DSTN: variants seen among roughly 807,000 people sequenced by gnomAD.
DSTN encodes destrin, actin depolymerizing factor, also known as destrin.
Under a neutral mutation model 16.8 loss-of-function variants are expected in DSTN, and 10 were observed. The observed-to-expected ratio is 0.60, with a 90% CI of 0.37 to 1.01. DSTN has a LOEUF of 1.01. DSTN is among the 50% of genes least tolerant of loss of function. The pLI is 0.01. For missense variants in DSTN, 141 were observed against 196.7 expected (o/e 0.72, Z 1.69); for synonymous variants, 57 against 58.9 (o/e 0.97, Z 0.14).
intron 1 of DSTN, among the ~76,000 whole-genome samples, chr20:17,577,443 T>C (rs1426769961): frequency 6.6e-6 from 1 of 152,094 alleles, no homozygotes; most frequent in African/African-American, 2.4e-5. Flanking sequence ...GGCAGGTGCA[T>C]GTAGTCCCAG....
Position 17,604,545 on chromosome 20 carries a change from TTCTA to T in DSTN, c.312-5_312-2del. ...ACCACTTTTTTCATTTTTGGCATCT[TTCTA>T]TCTAGGGCACCAGAACTAGCACCTC... On this transcript the variant is annotated splice_polypyrimidine_tract_variant and splice_region_variant and intron_variant, in intron 2 of 3. Coordinates refer to ENST00000246069, the MANE Select transcript of DSTN (RefSeq NM_006870.4). The T allele has an allele frequency of 6.2e-7, 1 of 1,604,922 alleles. No individual in the cohort carries two copies. The highest frequency in any genetic ancestry group is 8.5e-7 in the Non-Finnish European group (1 of 1,177,986).
At chr20:17,597,790 C>A (rs1372282787) in intron 1 of DSTN, among the ~76,000 whole-genome samples, 2 of 152,230 alleles carry the variant, frequency 1.3e-5, no homozygotes, top group African/African-American at 2.4e-5. Flanking sequence ...CTCCTGTCAA[C>A]TTCCAGAACA....
At position 17,570,125 on chromosome 20, in the gene DSTN, G is replaced by T; in HGVS notation, c.-84G>T. 6.6e-7 allele frequency: 1 copy of T among 1,507,452 alleles called. No homozygotes were observed. Among genetic ancestry groups the T allele is most frequent in the Admixed American group, 2.1e-5 (1 of 48,632 alleles). The allele number at this position is 1,507,452 out of a possible 1,614,324, so 93.4% of individuals were successfully genotyped here. ...CGTCAGCTCAGCGCTGGGTCTCTCG[G>T]TCCCGCAGCCGTGAGGAGGACGGTC... On this transcript the variant is annotated 5_prime_UTR_variant, in exon 1 of 4. Transcript: ENST00000246069.
chr20:17,585,236 G>C (rs1271927032), intron 1 of DSTN, among the ~76,000 whole-genome samples: 1 of 152,116 alleles, frequency 6.6e-6, no homozygotes, highest in Non-Finnish European at 1.5e-5. Flanking sequence ...GGGTGCTTGG[G>C]AATTGTTAAA....
In DSTN at chr20:17,604,541, A is replaced by T. The variant is rs372734280; in HGVS notation, c.312-14A>T. On this transcript the variant is annotated splice_polypyrimidine_tract_variant and intron_variant, in intron 2 of 3. Transcript: ENST00000246069. ...CTAAACCACTTTTTTCATTTTTGGC[A>T]TCTTTCTATCTAGGGCACCAGAACT... The T allele has an allele frequency of 3.7e-6, 6 of 1,602,146 alleles. No individual in the cohort carries two copies. The highest frequency in any genetic ancestry group is 5.1e-6 in the Non-Finnish European group (6 of 1,177,300).
chr20:17,598,062 AT>A (rs2035547119), intron 1 of DSTN, among the ~76,000 whole-genome samples: 1 of 152,096 alleles, frequency 6.6e-6, no homozygotes, highest in African/African-American at 2.4e-5. Flanking sequence ...CATTGTGTGG[AT>A]ATACTACATC....
intron 1 of DSTN, 105 bp from the exon 2 acceptor site, chr20:17,600,633 C>T (rs767343745): frequency 5.2e-4 from 667 of 1,289,956 alleles, no homozygotes; most frequent in Non-Finnish European, 6.4e-4. Context: ...AGATGATATA[C>T]CTTTAAAATG....
chr20:17,583,894 C>T (rs997884721), intron 1 of DSTN, among the ~76,000 whole-genome samples: 1 of 151,776 alleles, frequency 6.6e-6, no homozygotes, highest in Non-Finnish European at 1.5e-5. Context: ...ATACCACCAT[C>T]CCTGGCAATT....
intron 1 of DSTN, among the ~76,000 whole-genome samples, chr20:17,586,426 G>C (rs1432902330): frequency 1.3e-5 from 2 of 152,214 alleles, no homozygotes; most frequent in African/African-American, 4.8e-5. Context: ...TATAGCTGCA[G>C]GTGATGGTTG....
At chr20:17,591,969 A>T (rs2035474134) in intron 1 of DSTN, 1 of 985,310 alleles carries the variant, frequency 1.0e-6, no homozygotes, top group Non-Finnish European at 1.2e-6. Context: ...GACGTAAGAG[A>T]GCTACCAGCG....
At chr20:17,600,683 A>G (rs2035576870) in intron 1 of DSTN, 55 bp from the exon 2 acceptor site, 1 of 1,476,882 alleles carries the variant, frequency 6.8e-7, no homozygotes. Flanking sequence ...TTATTATTTT[A>G]TGTTTGGCAC....
chr20:17,573,760 T>C (rs1568728398), intron 1 of DSTN, among the ~76,000 whole-genome samples: 1 of 152,232 alleles, frequency 6.6e-6, no homozygotes. Context: ...TGATTACTAG[T>C]GAGCTGACTC....
At chr20:17,591,311 TATAG>T (rs1272935739) in intron 1 of DSTN, among the ~76,000 whole-genome samples, 1 of 151,896 alleles carries the variant, frequency 6.6e-6, no homozygotes, top group Non-Finnish European at 1.5e-5. Flanking sequence ...CAACTATTAT[TATAG>T]ATAAACTATT....
rs1232956650 is a variant in DSTN at position 17,608,668 on chromosome 20, GTAAAAGTTGGGAAC to G, written c.*1523_*1536del. ...CCCTCTGGTGAATAAGAAAGTTGGT[GTAAAAGTTGGGAAC>G]GTTTTCAATGTTTATTACACTATAA... On this transcript the variant is annotated 3_prime_UTR_variant, in exon 4 of 4. Coordinates refer to ENST00000246069, the MANE Select transcript of DSTN (RefSeq NM_006870.4). The G allele has an allele frequency of 6.6e-6, 1 of 150,834 alleles. No homozygotes were observed. Among genetic ancestry groups the G allele is most frequent in the African/African-American group, 2.4e-5 (1 of 41,010 alleles). 9.3% of individuals were successfully genotyped at this position (150,834 alleles called of 1,614,324 possible).
rs965004700 is a variant in DSTN, at chr20:17,570,104, A to T, written c.-105A>T. On this transcript the variant is annotated 5_prime_UTR_variant, in exon 1 of 4. Coordinates refer to ENST00000246069, the MANE Select transcript of DSTN (RefSeq NM_006870.4). ...CGGGGTAAGCTCGCGCCGCCGCGTCAGCTCAGCGCTGGGTCTCTCGGTCCC... is the reference window on the plus strand; with the variant it reads ...CGGGGTAAGCTCGCGCCGCCGCGTCTGCTCAGCGCTGGGTCTCTCGGTCCC... 1.5e-5 allele frequency: 22 copies of T among 1,477,930 alleles called. No individual in the cohort carries two copies. The highest frequency in any genetic ancestry group is 2.3e-4 in the Middle Eastern group (1 of 4,294). 91.6% of individuals were successfully genotyped at this position (1,477,930 alleles called of 1,614,324 possible).
At chr20:17,578,027 C>A (rs1217553285) in intron 1 of DSTN, among the ~76,000 whole-genome samples, 9 of 152,136 alleles carry the variant, frequency 5.9e-5, no homozygotes, top group Admixed American at 5.9e-4. Flanking sequence ...TGGCTAGTGG[C>A]CACTTTATTG....
intron 1 of DSTN, among the ~76,000 whole-genome samples, chr20:17,595,669 C>G (rs1347378884): frequency 2.0e-5 from 3 of 151,932 alleles, no homozygotes; most frequent in Non-Finnish European, 2.9e-5. Context: ...AGTTCAAATC[C>G]CAATTCCTCT....
At chr20:17,587,091 T>A (rs893528048) in intron 1 of DSTN, among the ~76,000 whole-genome samples, 1 of 152,170 alleles carries the variant, frequency 6.6e-6, no homozygotes, top group African/African-American at 2.4e-5. Flanking sequence ...GCCCTGTGTG[T>A]AGTATTGTTA....
intron 1 of DSTN, among the ~76,000 whole-genome samples, chr20:17,574,085 T>C (rs555311006): frequency 6.6e-6 from 1 of 152,206 alleles, no homozygotes; most frequent in Admixed American, 6.5e-5. Context: ...GTGCCTATAC[T>C]CCTAGCTATT....
Sources: allele counts gnomAD v4.1 joint callset (sites outside exome capture counted in the v4.1 genomes callset), GRCh38; gene constraint gnomAD v4.1.1; transcripts MANE v1.5; gene names NCBI Gene and HGNC (gene_info 2026-07-23, HGNC 2026-07-21).